LRRC4C: variants seen among roughly 807,000 people sequenced by gnomAD.
LRRC4C encodes the protein leucine-rich repeat-containing protein 4C.
A neutral mutation model predicts 33.6 loss-of-function variants in LRRC4C; 5 were observed. The observed-to-expected ratio is 0.15, with a 90% CI of 0.08 to 0.31. The LOEUF is 0.31. Among genes scored for constraint, LRRC4C ranks in the 10% least tolerant of loss-of-function variants. The probability of loss-of-function intolerance (pLI) is 1.00; values close to 1 mark genes in which losing one functional copy is unlikely to be tolerated. For missense variants in LRRC4C, 560 were observed against 796.7 expected (o/e 0.70, Z 3.58); for synonymous variants, 329 against 302.0 (o/e 1.09, Z -0.93).
chr11:40,813,966 C>A (rs1332829556), intron 2 of LRRC4C, among the ~76,000 whole-genome samples: 1 of 152,230 alleles, frequency 6.6e-6, no homozygotes, highest in Non-Finnish European at 1.5e-5. Context: ...ACCCCTGTGG[C>A]TTTGCAGGGT....
intron 1 of LRRC4C, among the ~76,000 whole-genome samples, chr11:41,313,961 G>A (rs1395398615): frequency 5.9e-5 from 9 of 151,854 alleles, no homozygotes; most frequent in African/African-American, 2.2e-4. Context: ...TGTTTATCTT[G>A]TAAATATATG....
intron 1 of LRRC4C, among the ~76,000 whole-genome samples, chr11:40,980,383 G>C (rs567145892): frequency 5.3e-4 from 80 of 152,268 alleles, no homozygotes; most frequent in African/African-American, 1.8e-3. Context: ...ATGTAGTATA[G>C]ATTTCTTTCA....
chr11:41,075,014 C>CTTTTT (rs869112602), intron 1 of LRRC4C, among the ~76,000 whole-genome samples: 5 of 101,010 alleles, frequency 4.9e-5, no homozygotes, highest in African/African-American at 1.6e-4. Flanking sequence ...CTTCAATTTT[C>CTTTTT]TTTTTTTTTT....
At chr11:41,223,828 G>A (rs573402835) in intron 1 of LRRC4C, among the ~76,000 whole-genome samples, 2 of 152,308 alleles carry the variant, frequency 1.3e-5, no homozygotes, top group Non-Finnish European at 2.9e-5. Flanking sequence ...CCAGTTGGCA[G>A]AACAGGACTT....
chr11:40,652,210 T>C (rs1254545984), intron 2 of LRRC4C, among the ~76,000 whole-genome samples: 1 of 152,138 alleles, frequency 6.6e-6, no homozygotes, highest in Non-Finnish European at 1.5e-5. Context: ...AGAATAAATC[T>C]TTAGTGAGGG....
At chr11:40,291,578 C>T (rs1245089038) in intron 4 of LRRC4C, among the ~76,000 whole-genome samples, 1 of 152,034 alleles carries the variant, frequency 6.6e-6, no homozygotes, top group Non-Finnish European at 1.5e-5. Context: ...TGGTGTGAAC[C>T]CGGGTAATCT....
rs554113669 is a variant in LRRC4C at position 40,338,970 on chromosome 11, G to A, written c.-269-19249C>T. Reference sequence around the variant, plus strand: ...TGAATACTGTTTGCTTCGTGTCTGCGTTCATCCTTTTCCTGTTTCCTGTTT... The same window carrying A: ...TGAATACTGTTTGCTTCGTGTCTGCATTCATCCTTTTCCTGTTTCCTGTTT... On this transcript the variant is annotated intron_variant, in intron 3 of 6. Coordinates refer to ENST00000528697, the MANE Select transcript of LRRC4C (RefSeq NM_001258419.2). Among the ~76,000 whole-genome samples, 5 of 152,300 alleles carry A rather than the reference G, an allele frequency of 3.3e-5. No homozygotes were observed. The East Asian group carries it at 7.7e-4, about 24-fold the overall frequency.
intron 4 of LRRC4C, among the ~76,000 whole-genome samples, chr11:40,288,812 C>G (rs996327464): frequency 6.6e-6 from 1 of 152,058 alleles, no homozygotes; most frequent in Non-Finnish European, 1.5e-5. Flanking sequence ...GAATTTTATA[C>G]CATATAATTT....
intron 5 of LRRC4C, among the ~76,000 whole-genome samples, chr11:40,158,938 T>A (rs1365903757): frequency 6.6e-6 from 1 of 152,216 alleles, no homozygotes; most frequent in Admixed American, 6.5e-5. Context: ...TTAAAATTCA[T>A]TTCTTTATTC....
chr11:41,139,643 A>G (rs187621876), intron 1 of LRRC4C, among the ~76,000 whole-genome samples: 2 of 152,360 alleles, frequency 1.3e-5, no homozygotes, highest in Admixed American at 6.5e-5. Context: ...TTTAACCAGC[A>G]CAATCCTCAA....
At chr11:40,991,984 G>A (rs1853607539) in intron 1 of LRRC4C, among the ~76,000 whole-genome samples, 1 of 152,100 alleles carries the variant, frequency 6.6e-6, no homozygotes, top group African/African-American at 2.4e-5. Context: ...CCAGGGGTTG[G>A]GGGTGCCTGA....
chr11:40,933,475 G>T (rs1409519527), intron 2 of LRRC4C, among the ~76,000 whole-genome samples, 160 bp downstream of exon 2: 1 of 152,094 alleles, frequency 6.6e-6, no homozygotes, highest in Non-Finnish European at 1.5e-5. Flanking sequence ...TATTATTGTT[G>T]CACTCACTTA....
At chr11:40,590,736 C>A (rs1410907542) in intron 3 of LRRC4C, among the ~76,000 whole-genome samples, 1 of 152,100 alleles carries the variant, frequency 6.6e-6, no homozygotes, top group East Asian at 1.9e-4. Context: ...AGTACCCTGC[C>A]ATGTGAGGTG....
chr11:41,456,184 C>A (rs1312589657), intron 1 of LRRC4C, among the ~76,000 whole-genome samples: 1 of 152,144 alleles, frequency 6.6e-6, no homozygotes, highest in Non-Finnish European at 1.5e-5. Context: ...GGCTGATGCT[C>A]TTAGCCTATT....
intron 1 of LRRC4C, among the ~76,000 whole-genome samples, chr11:41,420,651 T>C (rs990014860): frequency 2.0e-5 from 3 of 152,036 alleles, no homozygotes; most frequent in African/African-American, 7.2e-5. Context: ...TGAGAGAAGA[T>C]ACATTAAAAT....
At chr11:40,726,135 T>C (rs1947282252) in intron 2 of LRRC4C, among the ~76,000 whole-genome samples, 1 of 151,004 alleles carries the variant, frequency 6.6e-6, no homozygotes, top group Admixed American at 6.6e-5. Context: ...AGTTCTGAAA[T>C]TTAATCAGTA....
intron 3 of LRRC4C, among the ~76,000 whole-genome samples, chr11:40,635,706 G>C (rs1415468123): frequency 7.2e-6 from 1 of 138,460 alleles, no homozygotes; most frequent in African/African-American, 2.7e-5. Flanking sequence ...GCGCGATCTC[G>C]GCTCACTGCA....
chr11:41,169,394 G>T (rs1944870069), intron 1 of LRRC4C, among the ~76,000 whole-genome samples: 1 of 152,002 alleles, frequency 6.6e-6, no homozygotes, highest in Admixed American at 6.6e-5. Context: ...GAGCCCACTG[G>T]TATCCTGTAG....
At chr11:41,133,291 C>A (rs562770607) in intron 1 of LRRC4C, among the ~76,000 whole-genome samples, 1 of 152,018 alleles carries the variant, frequency 6.6e-6, no homozygotes, top group Non-Finnish European at 1.5e-5. Context: ...CAGGGCTAAC[C>A]ATAGGGGATG....
Sources: gnomAD v4.1 joint callset for allele counts (sites outside exome capture counted in the v4.1 genomes callset) on GRCh38, gnomAD v4.1.1 for gene constraint, MANE v1.5 for transcripts, NCBI Gene and HGNC (gene_info 2026-07-23, HGNC 2026-07-21) for gene names.